The following CCDC178 variants were observed in gnomAD, a reference collection of about 807,000 sequenced individuals.
CCDC178 encodes the protein coiled-coil domain-containing protein 178.
Under a neutral mutation model 117.4 loss-of-function variants are expected in CCDC178, and 126 were observed. That is an observed-to-expected ratio of 1.07 (90% CI 0.93 to 1.24). CCDC178 has a LOEUF of 1.24. Among genes scored for constraint, CCDC178 ranks in the 50% most tolerant of loss-of-function variants. CCDC178 has a pLI of 0.00. For synonymous variants in CCDC178, 283 were observed against 313.4 expected (o/e 0.90, Z 1.02); for missense variants, 1,030 against 986.9 (o/e 1.04, Z -0.59).
At chr18:32,988,329 G>A (rs1165867935) in intron 21 of CCDC178, among the ~76,000 whole-genome samples, 2 of 151,696 alleles carry the variant, frequency 1.3e-5, no homozygotes, top group East Asian at 1.9e-4. Flanking sequence ...CCAGATACTC[G>A]GGAGGCTGAG....
chr18:33,296,342 T>C (rs1302806173), intron 11 of CCDC178, among the ~76,000 whole-genome samples: 2 of 152,026 alleles, frequency 1.3e-5, no homozygotes, highest in Non-Finnish European at 2.9e-5. Flanking sequence ...ATTCTGATCG[T>C]AGTGGTAGTT....
chr18:33,201,020 C>T (rs271535), intron 20 of CCDC178, among the ~76,000 whole-genome samples: 14,272 of 152,148 alleles, frequency 0.094, 849 homozygotes, highest in African/African-American at 0.17. Flanking sequence ...TAAGGAGTTG[C>T]GTCACTTCAT....
intron 21 of CCDC178, among the ~76,000 whole-genome samples, chr18:33,027,813 G>C (rs1220927475): frequency 6.6e-6 from 1 of 151,488 alleles, no homozygotes; most frequent in Admixed American, 6.6e-5. Context: ...GTGGAATAAA[G>C]CTACAAATTA....
rs114129513 is a variant in CCDC178, at chr18:33,421,316, C to A, written c.-22-9206G>T. Among the ~76,000 whole-genome samples the A allele has an allele frequency of 6.8e-3, 1,033 of 152,306 alleles. 9 individuals carry two copies. Among genetic ancestry groups the A allele is most frequent in the African/African-American group, 0.024 (980 of 41,554 alleles). On this transcript the variant is annotated intron_variant, in intron 2 of 22. Transcript: ENST00000383096. ...CTGATATTGCTGCAAAGGATTCCAT[C>A]ATGCTGGCCCCAGCTTTCCTTCCTG...
At chr18:33,339,273 A>G (rs932264397) in intron 9 of CCDC178, among the ~76,000 whole-genome samples, 1 of 152,078 alleles carries the variant, frequency 6.6e-6, no homozygotes, top group African/African-American at 2.4e-5. Context: ...ATAAAAGCTG[A>G]AACATAGTAA....
In CCDC178 at chr18:33,346,390, TTTAAC is replaced by T. The variant is rs1279584480; in HGVS notation, c.474_478del (p.Leu159AlafsTer15). ...TGAGAGCAATGTTTCCATTTCCTGC[TTTAAC>T]TCTGGACACTTTTCATCTTAAACAG... On this transcript the variant is annotated frameshift_variant, in exon 9 of 23. Transcript: ENST00000383096. LOFTEE classifies it high-confidence loss of function. 1.9e-6 allele frequency: 3 copies of T among 1,612,014 alleles called. No individual in the cohort carries two copies. In the East Asian group the frequency reaches 6.7e-5, roughly 36 times the overall value.
intron 22 of CCDC178, among the ~76,000 whole-genome samples, chr18:32,956,475 C>T (rs1046031219): frequency 2.0e-5 from 3 of 152,128 alleles, no homozygotes; most frequent in Non-Finnish European, 4.4e-5. Flanking sequence ...AATCCACAAA[C>T]CTCAGGTTTA....
intron 20 of CCDC178, among the ~76,000 whole-genome samples, chr18:33,175,314 C>T (rs2058652104): frequency 6.6e-6 from 1 of 152,122 alleles, no homozygotes; most frequent in Admixed American, 6.6e-5. Context: ...CTTATGTTTG[C>T]TTGAGCTTCT....
Position 33,013,204 on chromosome 18 carries a change from A to C in CCDC178, c.2389-38523T>G, listed in dbSNP as rs548097898. Among the ~76,000 whole-genome samples, 3 of 152,206 alleles carry C rather than the reference A, an allele frequency of 2.0e-5. No individual in the cohort carries two copies. In the South Asian group the frequency reaches 6.2e-4, roughly 32 times the overall value. On this transcript the variant is annotated intron_variant, in intron 21 of 22. Transcript: ENST00000383096. ...TTTTGAAAAATGAGACAAATTTCCT[A>C]ATTTTAGTGTTTTCACATTTCTTTC...
At chr18:33,355,712 C>T (rs1411707098) in intron 7 of CCDC178, among the ~76,000 whole-genome samples, 3 of 152,186 alleles carry the variant, frequency 2.0e-5, no homozygotes, top group East Asian at 1.9e-4. Flanking sequence ...TAGCCTCAGG[C>T]TGCTATGGCA....
chr18:32,985,780 G>A (rs2055249828), intron 21 of CCDC178, among the ~76,000 whole-genome samples: 1 of 151,932 alleles, frequency 6.6e-6, no homozygotes, highest in Non-Finnish European at 1.5e-5. Context: ...ACCACACTCT[G>A]GAAATTTATT....
intron 21 of CCDC178, among the ~76,000 whole-genome samples, chr18:33,033,486 C>G (rs2056385490): frequency 6.6e-6 from 1 of 152,064 alleles, no homozygotes; most frequent in Admixed American, 6.6e-5. Flanking sequence ...CCTTTGTTCC[C>G]AACCTCGCCT....
At chr18:33,043,867 G>C (rs766852325) in intron 21 of CCDC178, among the ~76,000 whole-genome samples, 1 of 151,342 alleles carries the variant, frequency 6.6e-6, no homozygotes, top group Non-Finnish European at 1.5e-5. Context: ...AAAATTTCTC[G>C]CCGTAATAGT....
intron 9 of CCDC178, among the ~76,000 whole-genome samples, chr18:33,338,006 C>T (rs757494845): frequency 2.0e-5 from 3 of 151,976 alleles, no homozygotes; most frequent in African/African-American, 4.8e-5. Flanking sequence ...ACGAACTATA[C>T]GTTGAAAAAA....
intron 21 of CCDC178, among the ~76,000 whole-genome samples, chr18:33,035,922 A>G (rs1284240372): frequency 6.6e-6 from 1 of 152,088 alleles, no homozygotes; most frequent in African/African-American, 2.4e-5. Context: ...GTTTGATTAA[A>G]AATAAAAATG....
intron 21 of CCDC178, among the ~76,000 whole-genome samples, chr18:33,031,835 T>A (rs2056349631): frequency 6.6e-6 from 1 of 152,064 alleles, no homozygotes; most frequent in Admixed American, 6.6e-5. Context: ...AATAAAAATA[T>A]CTCTCAGGCA....
intron 11 of CCDC178, among the ~76,000 whole-genome samples, chr18:33,307,683 A>G (rs570487139): frequency 1.3e-5 from 2 of 152,274 alleles, no homozygotes; most frequent in Admixed American, 1.3e-4. Flanking sequence ...CCTAGGAGGG[A>G]AAAACGGTCT....
At chr18:33,326,317 G>A (rs73955114) in intron 10 of CCDC178, among the ~76,000 whole-genome samples, 1,604 of 152,244 alleles carry the variant, frequency 0.011, 28 homozygotes, top group African/African-American at 0.036. Flanking sequence ...AGAATAGGAT[G>A]GGTACATAGT....
intron 12 of CCDC178, among the ~76,000 whole-genome samples, chr18:33,278,741 T>C (rs1474313674): frequency 1.3e-5 from 2 of 152,092 alleles, no homozygotes; most frequent in African/African-American, 4.8e-5. Flanking sequence ...ACAAGAAATC[T>C]GCTGGACAAT....
Sources: gnomAD v4.1 joint callset for allele counts (sites outside exome capture counted in the v4.1 genomes callset) on GRCh38, gnomAD v4.1.1 for gene constraint, MANE v1.5 for transcripts, NCBI Gene and HGNC (gene_info 2026-07-23, HGNC 2026-07-21) for gene names.